The following RAB3C variants were observed in gnomAD, a reference collection of about 807,000 sequenced individuals.
RAB3C encodes the protein RAB3C, member RAS oncogene family, also known as ras-related protein Rab-3C.
Under a neutral mutation model 26.4 loss-of-function variants are expected in RAB3C, and 17 were observed. That is an observed-to-expected ratio of 0.64 (90% CI 0.44 to 0.97). The LOEUF (loss-of-function observed/expected upper bound fraction) is 0.97. Ranked by LOEUF, RAB3C falls within the 50% of genes least tolerant of loss-of-function variation. The pLI, the probability that RAB3C is intolerant of heterozygous loss-of-function variation, is 0.00. For synonymous variants in RAB3C, 91 were observed against 95.9 expected, an observed-to-expected ratio of 0.95 and a Z score of 0.30; for missense variants, 242 against 281.9, an observed-to-expected ratio of 0.86 and a Z score of 1.01.
chr5:58,757,922 G>T (rs199938943), intron 3 of RAB3C, among the ~76,000 whole-genome samples: 2 of 62,006 alleles, frequency 3.2e-5, no homozygotes, highest in East Asian at 7.3e-4. Flanking sequence ...ATTTGTTTTT[G>T]TTGTTGTTGT....
At chr5:58,743,433 A>T (rs533192655) in intron 3 of RAB3C, among the ~76,000 whole-genome samples, 48 of 152,096 alleles carry the variant, frequency 3.2e-4, no homozygotes, top group African/African-American at 8.9e-4. Context: ...TCTGGGATAC[A>T]TGTGCAGAAT....
At chr5:58,745,406 AAAAAAAAAAAAAAG>A (rs1237711210) in intron 3 of RAB3C, among the ~76,000 whole-genome samples, 1 of 150,628 alleles carries the variant, frequency 6.6e-6, no homozygotes, top group African/African-American at 2.4e-5. Context: ...AAAAAAAAAA[AAAAAAAAAAAAAAG>A]AAAGTAGATG....
intron 2 of RAB3C, among the ~76,000 whole-genome samples, 173 bp from the exon 3 acceptor site, chr5:58,725,829 T>TA (rs1446808285): frequency 6.6e-6 from 1 of 151,810 alleles, no homozygotes; most frequent in Non-Finnish European, 1.5e-5. Flanking sequence ...TATGTATCAG[T>TA]AAAAAAATCA....
In RAB3C at chr5:58,693,347, T is replaced by TATATATATATATATATAC. The variant is rs1173401450; in HGVS notation, c.253-32640_253-32639insTACATATATATATATATA. Among the ~76,000 whole-genome samples, 350 of 137,816 alleles carry TATATATATATATATATAC rather than the reference T, an allele frequency of 2.5e-3. 18 individuals are homozygous for TATATATATATATATATAC. Among genetic ancestry groups the TATATATATATATATATAC allele is most frequent in the African/African-American group, 9.9e-3 (335 of 33,694 alleles). The allele number at this position is 137,816 out of a possible 152,430, so 90.4% of individuals were successfully genotyped here. On this transcript the variant is annotated intron_variant, in intron 2 of 4. Coordinates refer to ENST00000282878, the MANE Select transcript of RAB3C (RefSeq NM_138453.4). ...TTATATATATATGTGTATATATATA[T>TATATATATATATATATAC]ATATATATATATATAAAATTTCTTA...
At chr5:58,715,961 C>A (rs1749162202) in intron 2 of RAB3C, among the ~76,000 whole-genome samples, 1 of 151,314 alleles carries the variant, frequency 6.6e-6, no homozygotes, top group Non-Finnish European at 1.5e-5. Context: ...TGGTGCACTG[C>A]ACCCACTAAC....
intron 2 of RAB3C, among the ~76,000 whole-genome samples, chr5:58,620,091 A>C (rs963237186): frequency 5.3e-5 from 8 of 151,636 alleles, no homozygotes; most frequent in Non-Finnish European, 1.2e-4. Context: ...TAAAAAAAAA[A>C]CCCTTTAAGT....
intron 2 of RAB3C, among the ~76,000 whole-genome samples, chr5:58,660,060 C>T (rs1031203396): frequency 2.1e-5 from 3 of 142,428 alleles, no homozygotes; most frequent in Admixed American, 1.3e-4. Flanking sequence ...CCGCCTCGGC[C>T]TCCCAAAGTG....
chr5:58,833,363 T>A (rs79370374), intron 4 of RAB3C, among the ~76,000 whole-genome samples: 1 of 114,352 alleles, frequency 8.7e-6, no homozygotes, highest in East Asian at 2.4e-4. Flanking sequence ...CACACACACA[T>A]ATTAAGTAAA....
intron 2 of RAB3C, among the ~76,000 whole-genome samples, chr5:58,699,273 A>C (rs906912350): frequency 3.5e-5 from 4 of 113,090 alleles, no homozygotes; most frequent in Non-Finnish European, 4.6e-5. Flanking sequence ...CAGAACAGCA[A>C]ATATTGCAGA....
At chr5:58,837,133 T>C (rs1037482384) in intron 4 of RAB3C, among the ~76,000 whole-genome samples, 4 of 152,198 alleles carry the variant, frequency 2.6e-5, no homozygotes, top group Admixed American at 6.5e-5. Flanking sequence ...TCTCTGATGA[T>C]TGGTGATGTT....
At chr5:58,677,793 CA>C (rs1748258605) in intron 2 of RAB3C, among the ~76,000 whole-genome samples, 1 of 152,092 alleles carries the variant, frequency 6.6e-6, no homozygotes, top group African/African-American at 2.4e-5. Flanking sequence ...CCTATAGCTG[CA>C]GTGATCTGAA....
chr5:58,632,803 T>A (rs1199137627), intron 2 of RAB3C, among the ~76,000 whole-genome samples: 1 of 152,210 alleles, frequency 6.6e-6, no homozygotes, highest in Non-Finnish European at 1.5e-5. Context: ...TACCATCCCC[T>A]TCCCTCTCTC....
Position 58,811,402 on chromosome 5 carries a change from G to C in RAB3C, c.372-13636G>C, listed in dbSNP as rs115119615. On this transcript the variant is annotated intron_variant, in intron 3 of 4. Coordinates refer to ENST00000282878, the MANE Select transcript of RAB3C (RefSeq NM_138453.4). Reference sequence around the variant, plus strand: ...GTCTGTGTGTGTAAGATAGAGAGAGGATTTTATAGTGATTTTTATGACAAT... The same window carrying C: ...GTCTGTGTGTGTAAGATAGAGAGAGCATTTTATAGTGATTTTTATGACAAT... Among the ~76,000 whole-genome samples, 1,479 of 151,936 alleles carry C rather than the reference G, an allele frequency of 9.7e-3. 18 individuals carry two copies. The highest frequency in any genetic ancestry group is 0.032 in the African/African-American group (1,320 of 41,452).
chr5:58,617,475 C>G, intron 1 of RAB3C, 168 bp from the exon 2 acceptor site: 1 of 773,222 alleles, frequency 1.3e-6, no homozygotes. Context: ...GAATTATTGC[C>G]ATGGATACCA....
intron 2 of RAB3C, among the ~76,000 whole-genome samples, chr5:58,638,991 C>A (rs979254935): frequency 7.6e-6 from 1 of 131,540 alleles, no homozygotes; most frequent in African/African-American, 2.8e-5. Flanking sequence ...GATGGCACAG[C>A]TCCCTAGATC....
intron 2 of RAB3C, among the ~76,000 whole-genome samples, chr5:58,666,840 T>C (rs1346572690): frequency 1.3e-5 from 2 of 152,162 alleles, no homozygotes; most frequent in Admixed American, 1.3e-4. Context: ...TTATGGAAAG[T>C]TGTGCTACAA....
In RAB3C at chr5:58,642,598, AG is replaced by A. The variant is rs1439761398; in HGVS notation, c.252+24729del. Among the ~76,000 whole-genome samples the A allele has an allele frequency of 2.0e-5, 3 of 152,362 alleles. No homozygotes were observed. In the East Asian group the frequency reaches 5.8e-4, roughly 29 times the overall value. ...ATATTTTTCCTGTTAGAGAAAGCTG[AG>A]TTGTGACTTGCCTGAAGTAATCATG... is the stretch of plus-strand genomic sequence containing the variant. On this transcript the variant is annotated intron_variant, in intron 2 of 4. Transcript: ENST00000282878.
At chr5:58,704,776 G>A (rs1387370448) in intron 2 of RAB3C, among the ~76,000 whole-genome samples, 1 of 151,890 alleles carries the variant, frequency 6.6e-6, no homozygotes, top group Non-Finnish European at 1.5e-5. Flanking sequence ...AAAAATTTCT[G>A]TATCTTTTAT....
intron 2 of RAB3C, among the ~76,000 whole-genome samples, chr5:58,632,275 A>G (rs565987356): frequency 5.9e-5 from 9 of 152,346 alleles, no homozygotes; most frequent in Middle Eastern, 3.4e-3. Context: ...TAATTTTAAC[A>G]TAGGAACCAT....
Sources: allele counts gnomAD v4.1 joint callset (sites outside exome capture counted in the v4.1 genomes callset), GRCh38; gene constraint gnomAD v4.1.1; transcripts MANE v1.5; gene names NCBI Gene and HGNC (gene_info 2026-07-23, HGNC 2026-07-21).